Variants in ULK4 observed in about 807,000 individuals in gnomAD.
ULK4 encodes inactive serine/threonine-protein kinase ULK4.
In ULK4, 133 loss-of-function variants were observed where a neutral mutation model predicts 160.6. That is an observed-to-expected ratio of 0.83 (90% confidence interval 0.72 to 0.96). The LOEUF is 0.96. Ranked by LOEUF, ULK4 falls within the 40% of genes least tolerant of loss-of-function variation. ULK4 has a pLI of 0.00. For synonymous variants in ULK4, 534 were observed against 539.8 expected, an observed-to-expected ratio of 0.99 and a Z score of 0.15; for missense variants, 1,580 against 1,499.5, an observed-to-expected ratio of 1.05 and a Z score of -0.89.
intron 20 of ULK4, 110 bp from the exon 21 acceptor site, chr3:41,789,953 C>T: frequency 5.2e-6 from 5 of 966,434 alleles, no homozygotes; most frequent in Non-Finnish European, 7.0e-6. Context: ...TTACTTGGCT[C>T]TTTTATTACT....
rs1402519946 is a variant in ULK4, at chr3:41,706,385, T to TAA, written c.2635-1081_2635-1080insTT. 4.8e-5 allele frequency among the ~76,000 whole-genome samples: 7 copies of TAA among 145,704 alleles called. No homozygotes were observed. In the East Asian group the frequency reaches 1.4e-3, roughly 29 times the overall value. ...TTTATATATATATTTAATATATATATTTATATATATTAAATATATATAATT... is the reference window on the plus strand; with the variant it reads ...TTTATATATATATTTAATATATATATAATTATATATATTAAATATATATAATT... On this transcript the variant is annotated intron_variant, in intron 25 of 36. Coordinates refer to ENST00000301831, the MANE Select transcript of ULK4 (RefSeq NM_017886.4).
intron 11 of ULK4, among the ~76,000 whole-genome samples, chr3:41,908,252 A>G (rs992584184): frequency 6.6e-6 from 1 of 152,222 alleles, no homozygotes; most frequent in African/African-American, 2.4e-5. Context: ...CAGATATTCT[A>G]CAAAGAATGA....
chr3:41,540,535 T>G (rs2086660865), intron 32 of ULK4, among the ~76,000 whole-genome samples: 1 of 152,232 alleles, frequency 6.6e-6, no homozygotes, highest in African/African-American at 2.4e-5. Flanking sequence ...TGATTTATAA[T>G]CCTTTGGGTA....
intron 22 of ULK4, among the ~76,000 whole-genome samples, chr3:41,748,397 T>C (rs1446533026): frequency 6.6e-6 from 1 of 152,036 alleles, no homozygotes; most frequent in Non-Finnish European, 1.5e-5. Flanking sequence ...AGTTTAAGGT[T>C]TCTTAATGGG....
At chr3:41,524,967 A>G (rs1021084162) in intron 32 of ULK4, among the ~76,000 whole-genome samples, 1 of 152,028 alleles carries the variant, frequency 6.6e-6, no homozygotes, top group Non-Finnish European at 1.5e-5. Context: ...CAAACAAACA[A>G]ACAAAACAAA....
chr3:41,855,727 G>C (rs968988596), intron 17 of ULK4, among the ~76,000 whole-genome samples: 1 of 152,118 alleles, frequency 6.6e-6, no homozygotes, highest in Non-Finnish European at 1.5e-5. Flanking sequence ...TTCTGCTTCA[G>C]GGATCAGCTC....
intron 2 of ULK4, among the ~76,000 whole-genome samples, chr3:41,939,935 C>T (rs1446351338): frequency 2.0e-5 from 3 of 152,108 alleles, no homozygotes; most frequent in Non-Finnish European, 2.9e-5. Context: ...AACATTTCAT[C>T]CCGAAACCAT....
rs201764200 is a variant in ULK4 at position 41,377,974 on chromosome 3, T to C, written c.3678+20105A>G. On this transcript the variant is annotated intron_variant, in intron 35 of 36. Transcript: ENST00000301831. ...CAATAGCAAAGACTTGGAACCAACC[T>C]AAATGTCCAACAATGATAGACTGGA... Among the ~76,000 whole-genome samples the C allele has an allele frequency of 1.8e-3, 279 of 150,960 alleles. 2 individuals carry two copies. Among genetic ancestry groups the C allele is most frequent in the East Asian group, 5.6e-3 (28 of 5,006 alleles).
chr3:41,262,135 T>G (rs796863867), intron 35 of ULK4, among the ~76,000 whole-genome samples: 1 of 152,172 alleles, frequency 6.6e-6, no homozygotes, highest in Admixed American at 6.5e-5. Context: ...TGTTGCCCTT[T>G]GCCTCTCCCC....
At chr3:41,248,160 AG>A (rs976780029) in intron 36 of ULK4, among the ~76,000 whole-genome samples, 2 of 152,284 alleles carry the variant, frequency 1.3e-5, no homozygotes, top group South Asian at 4.1e-4. Flanking sequence ...AGGTGCCTAG[AG>A]CGAAGGGGCT....
chr3:41,905,370 A>T (rs1200400567), intron 12 of ULK4, among the ~76,000 whole-genome samples: 1 of 152,232 alleles, frequency 6.6e-6, no homozygotes, highest in African/African-American at 2.4e-5. Flanking sequence ...ATACTAATAA[A>T]ACTATAAAAC....
At chr3:41,698,565 T>A (rs983468790) in intron 27 of ULK4, among the ~76,000 whole-genome samples, 3 of 152,136 alleles carry the variant, frequency 2.0e-5, no homozygotes, top group Non-Finnish European at 2.9e-5. Flanking sequence ...CTCCAAAACA[T>A]CCAAAATCTG....
chr3:41,297,793 A>C (rs1176062523), intron 35 of ULK4, among the ~76,000 whole-genome samples: 3 of 152,242 alleles, frequency 2.0e-5, no homozygotes, highest in Non-Finnish European at 4.4e-5. Flanking sequence ...CTGTGTCTCC[A>C]TAAGAGGCTG....
chr3:41,313,076 T>C (rs982268324), intron 35 of ULK4, among the ~76,000 whole-genome samples: 8 of 152,110 alleles, frequency 5.3e-5, no homozygotes, highest in Admixed American at 4.6e-4. Context: ...AGGCAAGAGA[T>C]GGTTTGAGAA....
chr3:41,519,977 T>C (rs2085878366), intron 32 of ULK4, among the ~76,000 whole-genome samples: 1 of 152,210 alleles, frequency 6.6e-6, no homozygotes, highest in African/African-American at 2.4e-5. Flanking sequence ...TCTGCAAGGC[T>C]ACCTCTCACC....
intron 20 of ULK4, 113 bp downstream of exon 20, chr3:41,800,019 T>C: frequency 2.8e-6 from 3 of 1,075,356 alleles, no homozygotes; most frequent in Non-Finnish European, 3.8e-6. Flanking sequence ...AATATTACTC[T>C]GAGATTTCAG....
chr3:41,853,802 T>C (rs963860203), intron 17 of ULK4, among the ~76,000 whole-genome samples: 1 of 152,158 alleles, frequency 6.6e-6, no homozygotes, highest in African/African-American at 2.4e-5. Context: ...AGTGAGTGCC[T>C]TCCCATCTTC....
At chr3:41,862,427 T>C (rs948703129) in intron 17 of ULK4, among the ~76,000 whole-genome samples, 1 of 152,162 alleles carries the variant, frequency 6.6e-6, no homozygotes, top group African/African-American at 2.4e-5. Flanking sequence ...ATTGGTGAGG[T>C]CATGTTTTCC....
chr3:41,901,172 C>CTTTTTTTT (rs201425733), intron 12 of ULK4, among the ~76,000 whole-genome samples: 20 of 119,922 alleles, frequency 1.7e-4, no homozygotes, highest in African/African-American at 3.5e-4. Flanking sequence ...AGCATGGCTT[C>CTTTTTTTT]TTTTTTTTTT....
Sources: allele counts gnomAD v4.1 joint callset (sites outside exome capture counted in the v4.1 genomes callset), GRCh38; gene constraint gnomAD v4.1.1; transcripts MANE v1.5; gene names NCBI Gene and HGNC (gene_info 2026-07-23, HGNC 2026-07-21).